The following ARHGAP5 variants were observed in gnomAD, a reference collection of about 807,000 sequenced individuals.
ARHGAP5 encodes Rho GTPase activating protein 5.
In ARHGAP5, 23 loss-of-function variants were observed where a neutral mutation model predicts 116.6. That is an observed-to-expected ratio of 0.20 (90% CI 0.14 to 0.28). The LOEUF (loss-of-function observed/expected upper bound fraction) is 0.28. Ranked by LOEUF, ARHGAP5 falls within the 10% of genes least tolerant of loss-of-function variation. The pLI is 1.00. For synonymous variants in ARHGAP5, 574 were observed against 602.0 expected, an observed-to-expected ratio of 0.95 and a Z score of 0.68; for missense variants, 1,405 against 1,774.8, an observed-to-expected ratio of 0.79 and a Z score of 3.74.
chr14:32,088,629 T>C (rs1210452730), intron 1 of ARHGAP5, among the ~76,000 whole-genome samples: 1 of 152,004 alleles, frequency 6.6e-6, no homozygotes, highest in African/African-American at 2.4e-5. Context: ...CAGATTAAGA[T>C]TTGTAAACAT....
Position 32,154,687 on chromosome 14 carries a change from C to T in ARHGAP5, c.4248C>T (p.Thr1416=). 1.2e-6 allele frequency: 2 copies of T among 1,614,128 alleles called. No individual in the cohort carries two copies. The highest frequency in any genetic ancestry group is 1.7e-6 in the Non-Finnish European group (2 of 1,179,982). ...ACTTATCCATCTGTTTTTGGCCAAC[C>T]TTGATGAGACCTGATTTTGAAAATC... The part of the protein sequence containing the change: ...ADNLSICFWP[T]LMRPDFENRE... The change falls in exon 7 of 7, where the codon ACC becomes ACT. Residue 1416 remains threonine (T), a synonymous_variant. Transcript: ENST00000345122.
intron 1 of ARHGAP5, among the ~76,000 whole-genome samples, chr14:32,090,064 C>T (rs1249060036): frequency 2.6e-5 from 4 of 151,798 alleles, no homozygotes; most frequent in Non-Finnish European, 4.4e-5. Context: ...TTTTAAGGAA[C>T]CCTATAATGT....
chr14:32,080,944 G>A (rs538165504), intron 1 of ARHGAP5, among the ~76,000 whole-genome samples: 4 of 152,238 alleles, frequency 2.6e-5, no homozygotes, highest in Admixed American at 1.3e-4. Context: ...TGACTAGTAT[G>A]TTACTTGCTT....
At chr14:32,143,729 A>T (rs79731473) in intron 3 of ARHGAP5, among the ~76,000 whole-genome samples, 1 of 152,328 alleles carries the variant, frequency 6.6e-6, no homozygotes, top group East Asian at 1.9e-4. Context: ...AATCACTGTT[A>T]ATAGTGAGTA....
intron 3 of ARHGAP5, 87 bp downstream of exon 3, chr14:32,117,374 A>G: frequency 8.1e-7 from 1 of 1,228,300 alleles, no homozygotes; most frequent in Non-Finnish European, 1.1e-6. Context: ...GTGATTTGTT[A>G]ATATAGTTCT....
At chr14:32,115,447 A>T (rs1413284143) in intron 2 of ARHGAP5, among the ~76,000 whole-genome samples, 3 of 152,054 alleles carry the variant, frequency 2.0e-5, no homozygotes, top group Non-Finnish European at 4.4e-5. Context: ...GAGGATCACG[A>T]GGTCAGGAGA....
chr14:32,078,467 C>G (rs905082362), intron 1 of ARHGAP5, among the ~76,000 whole-genome samples: 1 of 152,126 alleles, frequency 6.6e-6, no homozygotes, highest in African/African-American at 2.4e-5. Flanking sequence ...TTTGTGCTTA[C>G]GTTTTAAGTT....
At chr14:32,146,376 T>C (rs768758834) in intron 4 of ARHGAP5, 36 bp downstream of exon 4, 5 of 1,475,002 alleles carry the variant, frequency 3.4e-6, no homozygotes, top group Non-Finnish European at 3.8e-6. Context: ...AAATTGTTGT[T>C]TTATGTTTTC....
At position 32,156,691 on chromosome 14, in the gene ARHGAP5, G is replaced by A. The variant is rs1490364812; in HGVS notation, c.*1743G>A. 1.3e-5 allele frequency: 2 copies of A among 152,166 alleles called. No homozygotes were observed. The highest frequency in any genetic ancestry group is 3.8e-4 in the East Asian group (2 of 5,202). The allele number at this position is 152,166 out of a possible 1,614,324, so 9.4% of individuals were successfully genotyped here. ...CTGTTCTATATTACTTATACCTATT[G>A]TCTATATAGCTTTAATTTATAGTTG... On this transcript the variant is annotated 3_prime_UTR_variant, in exon 7 of 7. Coordinates refer to ENST00000345122, the MANE Select transcript of ARHGAP5 (RefSeq NM_001030055.2).
At chr14:32,105,573 A>G (rs1051972780) in intron 2 of ARHGAP5, among the ~76,000 whole-genome samples, 1 of 152,114 alleles carries the variant, frequency 6.6e-6, no homozygotes, top group African/African-American at 2.4e-5. Context: ...TATCACAGCC[A>G]GGGTGTTGAC....
Position 32,115,101 on chromosome 14 carries a change from C to T in ARHGAP5, c.3718-2039C>T, listed in dbSNP as rs559110093. ...CTGAAAACTTGCCCATCTTTGTATACTTCAGAAACTCTCAATGGGATGTGC... is the reference window on the plus strand; with the variant it reads ...CTGAAAACTTGCCCATCTTTGTATATTTCAGAAACTCTCAATGGGATGTGC... On this transcript the variant is annotated intron_variant, in intron 2 of 6. Transcript: ENST00000345122. Among the ~76,000 whole-genome samples the T allele has an allele frequency of 2.2e-4, 34 of 152,292 alleles. No homozygotes were observed. In the South Asian group the frequency reaches 6.6e-3, roughly 30 times the overall value.
At chr14:32,143,589 G>T (rs991265774) in intron 3 of ARHGAP5, among the ~76,000 whole-genome samples, 2 of 152,188 alleles carry the variant, frequency 1.3e-5, no homozygotes, top group Non-Finnish European at 2.9e-5. Context: ...TATTTAGCTT[G>T]GGAATGTTGG....
At chr14:32,099,826 G>A (rs1330233824) in intron 2 of ARHGAP5, among the ~76,000 whole-genome samples, 2 of 152,084 alleles carry the variant, frequency 1.3e-5, no homozygotes, top group African/African-American at 4.8e-5. Context: ...CATAGCTTTT[G>A]GGCATTAATG....
chr14:32,144,260 A>T (rs1881269076), intron 3 of ARHGAP5, among the ~76,000 whole-genome samples: 1 of 152,154 alleles, frequency 6.6e-6, no homozygotes, highest in Admixed American at 6.6e-5. Context: ...GATAAATGTT[A>T]TCTAGAGAAC....
chr14:32,132,526 T>A (rs536652117), intron 3 of ARHGAP5, among the ~76,000 whole-genome samples: 1 of 152,200 alleles, frequency 6.6e-6, no homozygotes, highest in East Asian at 1.9e-4. Flanking sequence ...TTTCTCCCAT[T>A]TTGTAGGTTG....
At chr14:32,142,121 T>C (rs1881154745) in intron 3 of ARHGAP5, among the ~76,000 whole-genome samples, 1 of 152,172 alleles carries the variant, frequency 6.6e-6, no homozygotes. Context: ...TGTGTATGTA[T>C]TGATATTCAG....
chr14:32,112,950 A>G (rs1594363581), intron 2 of ARHGAP5, among the ~76,000 whole-genome samples: 1 of 152,290 alleles, frequency 6.6e-6, no homozygotes, highest in Admixed American at 6.5e-5. Context: ...TACCATTTCT[A>G]ACTAAAGGTT....
chr14:32,138,850 C>A (rs1330118764), intron 3 of ARHGAP5, among the ~76,000 whole-genome samples: 1 of 152,036 alleles, frequency 6.6e-6, no homozygotes, highest in Non-Finnish European at 1.5e-5. Context: ...TCATAAATGT[C>A]CTTGATCGTG....
At chr14:32,108,705 ACT>A (rs1234994080) in intron 2 of ARHGAP5, among the ~76,000 whole-genome samples, 3 of 152,010 alleles carry the variant, frequency 2.0e-5, no homozygotes, top group Non-Finnish European at 4.4e-5. Context: ...ACCAGAGGAA[ACT>A]CAGGTTGAAA....
Sources: allele counts gnomAD v4.1 joint callset (sites outside exome capture counted in the v4.1 genomes callset), GRCh38; gene constraint gnomAD v4.1.1; transcripts MANE v1.5; gene names NCBI Gene and HGNC (gene_info 2026-07-23, HGNC 2026-07-21).